The following EPYC variants were observed in gnomAD, a reference collection of about 807,000 sequenced individuals.
EPYC encodes the protein dermatan sulfate proteoglycan 3.
Under a neutral mutation model 30.1 loss-of-function variants are expected in EPYC, and 28 were observed. The observed-to-expected ratio is 0.93, with a 90% CI of 0.69 to 1.28. The LOEUF (loss-of-function observed/expected upper bound fraction) is 1.28. Ranked by LOEUF, EPYC falls within the 50% of genes most tolerant of loss-of-function variation. The pLI is 0.00. For missense variants in EPYC, 382 were observed against 383.5 expected (o/e 1.00, Z 0.03); for synonymous variants, 144 against 141.4 (o/e 1.02, Z -0.13).
Position 91,002,562 on chromosome 12 carries a change from T to G in EPYC, c.4A>C (p.Lys2Gln). 1.2e-6 allele frequency: 2 copies of G among 1,602,228 alleles called. No homozygotes were observed. Among genetic ancestry groups the G allele is most frequent in the South Asian group, 2.3e-5 (2 of 87,308 alleles). The change falls in exon 2 of 7, where the codon AAG becomes CAG. Residue 2 changes from lysine to glutamine, a missense_variant. By Grantham distance (53) the Lys-to-Gln change is moderately conservative (BLOSUM62 1). Transcript: ENST00000261172. The stretch of plus-strand genomic sequence containing the variant: ...CCCAGAACAAGTCCTGCTAATGTCT[T>G]CATTTTTCAAGCTTTCCTAATTATA... MKTLAGLVLGLV... is the reference protein window; with the variant it reads MQTLAGLVLGLV...
At chr12:90,977,708 C>G (rs759788528) in intron 3 of EPYC, among the ~76,000 whole-genome samples, 1 of 152,064 alleles carries the variant, frequency 6.6e-6, no homozygotes, top group African/African-American at 2.4e-5. Flanking sequence ...AATATTATTA[C>G]TATTACCATC....
chr12:90,974,452 A>T (rs537643780), intron 3 of EPYC, among the ~76,000 whole-genome samples: 33 of 152,250 alleles, frequency 2.2e-4, no homozygotes, highest in African/African-American at 7.9e-4. Flanking sequence ...GCAAGGGATG[A>T]GACATAGTGA....
rs569184492 is a variant in EPYC, at chr12:90,984,393, A to C, written c.166-6131T>G. ...TCTTTCAAATGGGAAACATTCAGGC[A>C]TCAACAGGCTCACCCTTAAAATGCA... is the stretch of plus-strand genomic sequence containing the variant. On this transcript the variant is annotated intron_variant, in intron 2 of 6. Transcript: ENST00000261172. 2.6e-5 allele frequency among the ~76,000 whole-genome samples: 4 copies of C among 152,280 alleles called. No individual in the cohort carries two copies. The East Asian group carries it at 5.8e-4, about 22-fold the overall frequency.
At chr12:90,982,496 A>C (rs896445379) in intron 2 of EPYC, among the ~76,000 whole-genome samples, 2 of 152,042 alleles carry the variant, frequency 1.3e-5, no homozygotes, top group African/African-American at 2.4e-5. Flanking sequence ...GGCCCCAGGC[A>C]ATCACTTACC....
chr12:90,991,887 A>G (rs565764594), intron 2 of EPYC, among the ~76,000 whole-genome samples: 10 of 152,284 alleles, frequency 6.6e-5, no homozygotes, highest in African/African-American at 2.2e-4. Context: ...AGAAACACTA[A>G]TTAAGTCTGG....
Position 90,972,944 on chromosome 12 carries a change from G to T in EPYC, c.377C>A (p.Thr126Asn), listed in dbSNP as rs1267475239. ...PTCLLCTCISTTVYCDDHELD... is the reference protein window; with the variant it reads ...PTCLLCTCISNTVYCDDHELD... ...TTCATGGTCATCACAGTACACGGTG[G>T]TACTTATACAAGTACACAAAAGACA... The change falls in exon 4 of 7, where the codon ACC becomes AAC. Residue 126 changes from threonine to asparagine, a missense_variant. By Grantham distance (65) the Thr-to-Asn change is moderately conservative (BLOSUM62 0). Transcript: ENST00000261172. The T allele has an allele frequency of 6.2e-7, 1 of 1,607,784 alleles. No homozygotes were observed. Among genetic ancestry groups the T allele is most frequent in the East Asian group, 2.2e-5 (1 of 44,666 alleles).
intron 3 of EPYC, among the ~76,000 whole-genome samples, chr12:90,975,157 G>T (rs1877151651): frequency 6.6e-6 from 1 of 152,000 alleles, no homozygotes; most frequent in Non-Finnish European, 1.5e-5. Flanking sequence ...TTAAGCAGGA[G>T]CTGTAAAATA....
At chr12:90,989,664 C>A (rs771215749) in intron 2 of EPYC, among the ~76,000 whole-genome samples, 4 of 151,926 alleles carry the variant, frequency 2.6e-5, no homozygotes, top group African/African-American at 4.8e-5. Context: ...TTAATCATAC[C>A]GTCTAGTCTT....
rs11837488 is a variant in EPYC at position 90,998,606 on chromosome 12, A to G, written c.165+3795T>C. ...CTGGGTTTTGGGGATGGTTTGACTTATTGACCACCTAAATCCCTAGACTCA... is the reference window on the plus strand; with the variant it reads ...CTGGGTTTTGGGGATGGTTTGACTTGTTGACCACCTAAATCCCTAGACTCA... On this transcript the variant is annotated intron_variant, in intron 2 of 6. Coordinates refer to ENST00000261172, the MANE Select transcript of EPYC (RefSeq NM_004950.5). Among the ~76,000 whole-genome samples the G allele has an allele frequency of 3.7e-3, 558 of 152,260 alleles. 5 individuals are homozygous for G. Among genetic ancestry groups the G allele is most frequent in the African/African-American group, 0.012 (516 of 41,558 alleles).
At chr12:90,987,879 G>T (rs769149626) in intron 2 of EPYC, among the ~76,000 whole-genome samples, 1 of 151,906 alleles carries the variant, frequency 6.6e-6, no homozygotes, top group South Asian at 2.1e-4. Flanking sequence ...TCACACCTAG[G>T]TTTCTCTTTT....
intron 1 of EPYC, among the ~76,000 whole-genome samples, chr12:91,004,423 T>G (rs1877904087): frequency 6.6e-6 from 1 of 152,112 alleles, no homozygotes; most frequent in African/African-American, 2.4e-5. Flanking sequence ...GCATTTAATG[T>G]AGTTTCTTAA....
At chr12:90,976,353 A>G (rs750752302) in intron 3 of EPYC, among the ~76,000 whole-genome samples, 98 of 152,246 alleles carry the variant, frequency 6.4e-4, no homozygotes, top group Non-Finnish European at 1.3e-3. Flanking sequence ...AACTAACACT[A>G]TGTTTACTAT....
chr12:90,982,933 A>C (rs1178004928), intron 2 of EPYC, among the ~76,000 whole-genome samples: 1 of 152,178 alleles, frequency 6.6e-6, no homozygotes, highest in African/African-American at 2.4e-5. Context: ...CTTTGTGAAT[A>C]GTGCTGCAAT....
intron 2 of EPYC, among the ~76,000 whole-genome samples, chr12:91,000,765 A>T (rs896479505): frequency 1.3e-5 from 2 of 150,470 alleles, no homozygotes; most frequent in Non-Finnish European, 3.0e-5. Flanking sequence ...GTTTAATTTG[A>T]TAGATAAATT....
At chr12:90,974,372 A>C (rs146840100) in intron 3 of EPYC, among the ~76,000 whole-genome samples, 3 of 152,300 alleles carry the variant, frequency 2.0e-5, no homozygotes, top group African/African-American at 7.2e-5. Flanking sequence ...ATTACAGTCC[A>C]TTAAGGGAGA....
At chr12:90,985,724 G>A (rs1431359818) in intron 2 of EPYC, among the ~76,000 whole-genome samples, 1 of 152,136 alleles carries the variant, frequency 6.6e-6, no homozygotes, top group East Asian at 1.9e-4. Context: ...TCACTGGAAG[G>A]TGCACTGCCC....
At chr12:90,985,248 G>A (rs531760942) in intron 2 of EPYC, among the ~76,000 whole-genome samples, 2 of 152,242 alleles carry the variant, frequency 1.3e-5, no homozygotes, top group East Asian at 3.9e-4. Flanking sequence ...ATTCAATGAT[G>A]TCCACCATAA....
intron 5 of EPYC, among the ~76,000 whole-genome samples, chr12:90,970,936 A>T (rs946837453): frequency 6.6e-6 from 1 of 152,214 alleles, no homozygotes; most frequent in Non-Finnish European, 1.5e-5. Flanking sequence ...GGAGGCAAGA[A>T]AGCCAGTTGG....
At chr12:91,002,869 T>TC (rs1275639762) in intron 1 of EPYC, among the ~76,000 whole-genome samples, 1 of 151,004 alleles carries the variant, frequency 6.6e-6, no homozygotes. Context: ...CACAAAAGCT[T>TC]TTCATCATCT....
Sources: gnomAD v4.1 joint callset for allele counts (sites outside exome capture counted in the v4.1 genomes callset) on GRCh38, gnomAD v4.1.1 for gene constraint, MANE v1.5 for transcripts, NCBI Gene and HGNC (gene_info 2026-07-23, HGNC 2026-07-21) for gene names.